Variants in CNTN6 observed in about 807,000 individuals in gnomAD.
CNTN6 encodes contactin 6.
Under a neutral mutation model 122.8 loss-of-function variants are expected in CNTN6, and 137 were observed. The observed-to-expected ratio is 1.12, with a 90% CI of 0.97 to 1.29. The LOEUF (loss-of-function observed/expected upper bound fraction) is 1.29, where lower values mean the gene tolerates loss of function less well. CNTN6 is among the 50% of genes most tolerant of loss of function. CNTN6 has a pLI of 0.00. For missense variants in CNTN6, 1,634 were observed against 1,223.4 expected (o/e 1.34, Z -5.01); for synonymous variants, 570 against 426.0 (o/e 1.34, Z -4.16).
At chr3:1,178,112 G>A (rs1379011320) in intron 2 of CNTN6, among the ~76,000 whole-genome samples, 1 of 151,934 alleles carries the variant, frequency 6.6e-6, no homozygotes, top group Non-Finnish European at 1.5e-5. Context: ...TGTTGGCCAG[G>A]CTGGTCTTGA....
At chr3:1,215,194 A>G (rs1331946079) in intron 2 of CNTN6, among the ~76,000 whole-genome samples, 2 of 152,246 alleles carry the variant, frequency 1.3e-5, no homozygotes, top group Non-Finnish European at 2.9e-5. Flanking sequence ...TTTCTGGAAC[A>G]TGTTCTTTCC....
At chr3:1,399,290 T>C (rs527626312) in intron 20 of CNTN6, among the ~76,000 whole-genome samples, 4 of 152,226 alleles carry the variant, frequency 2.6e-5, no homozygotes, top group African/African-American at 9.6e-5. Flanking sequence ...ATATCTTTTA[T>C]AGCTGAGAAA....
At chr3:1,173,050 A>T (rs2093387738) in intron 2 of CNTN6, among the ~76,000 whole-genome samples, 1 of 152,208 alleles carries the variant, frequency 6.6e-6, no homozygotes. Context: ...ATATCACACC[A>T]GAACTGACTC....
chr3:1,329,568 C>A (rs905469982), intron 10 of CNTN6, among the ~76,000 whole-genome samples: 5 of 151,790 alleles, frequency 3.3e-5, no homozygotes, highest in Non-Finnish European at 5.9e-5. Flanking sequence ...CACACTAACT[C>A]TCTAAGGTAA....
At chr3:1,403,128 TAAATC>T (rs1236319908) in intron 22 of CNTN6, among the ~76,000 whole-genome samples, 185 bp from the exon 23 acceptor site, 6 of 152,144 alleles carry the variant, frequency 3.9e-5, no homozygotes, top group African/African-American at 1.4e-4. Context: ...TTTTTATACT[TAAATC>T]AGATGTCCTT....
chr3:1,402,343 G>A lies in CNTN6; in HGVS notation c.2843G>A (p.Ser948Asn), dbSNP rs1285220499. The A allele has an allele frequency of 5.6e-6, 9 of 1,610,684 alleles. No individual in the cohort carries two copies. The highest frequency in any genetic ancestry group is 3.3e-5 in the Admixed American group (2 of 59,798). Residue 948 changes from serine (S) to asparagine (N), a missense_variant, in exon 22 of 23, where the codon AGT (serine) becomes AAT (asparagine). Transcript: ENST00000446702. Reference sequence around the variant, plus strand: ...ATTCTGTACCGGCAAAACAGACAGAGTAAAACTCATATTTTGGAAACAAAC... The same window carrying A: ...ATTCTGTACCGGCAAAACAGACAGAATAAAACTCATATTTTGGAAACAAAC... Reference protein sequence around the residue: ...YKILYRQNRQSKTHILETNNT... With the variant: ...YKILYRQNRQNKTHILETNNT...
In CNTN6 at chr3:1,329,670, T is replaced by C. The variant is rs915687996; in HGVS notation, c.1214-115T>C. 1.6e-4 allele frequency: 130 copies of C among 823,568 alleles called. 2 individuals carry two copies. Among genetic ancestry groups the C allele is most frequent in the Non-Finnish European group, 3.8e-5 (21 of 553,752 alleles). 51.0% of individuals were successfully genotyped at this position (823,568 alleles called of 1,614,324 possible). A position where few individuals can be genotyped will look rare whatever the true frequency, so the allele number is the denominator to read the frequency against. On this transcript the variant is annotated intron_variant, in intron 10 of 22. Transcript: ENST00000446702. ...CAAGAACACCTTGAGCAAAGTAACC[T>C]GAAAAGAGGATACAGCTATAAATAT...
chr3:1,203,400 C>T (rs865877067), intron 2 of CNTN6, among the ~76,000 whole-genome samples: 15 of 152,140 alleles, frequency 9.9e-5, no homozygotes, highest in African/African-American at 3.6e-4. Context: ...CTTAATCAGG[C>T]TAGTTTCACA....
intron 1 of CNTN6, among the ~76,000 whole-genome samples, chr3:1,137,020 C>G (rs1334163251): frequency 7.2e-5 from 11 of 152,156 alleles, no homozygotes; most frequent in African/African-American, 2.7e-4. Context: ...TACTATTATT[C>G]TCATTATCTT....
At chr3:1,250,274 T>C (rs17210418) in intron 4 of CNTN6, among the ~76,000 whole-genome samples, 6,957 of 152,194 alleles carry the variant, frequency 0.046, 201 homozygotes, top group East Asian at 0.081. Flanking sequence ...AACACAACAC[T>C]GGCATTTCAA....
intron 19 of CNTN6, among the ~76,000 whole-genome samples, chr3:1,385,160 C>G (rs569276177): frequency 6.6e-6 from 1 of 151,564 alleles, no homozygotes. Flanking sequence ...GTACCTAAAA[C>G]AATGCTAATG....
At chr3:1,310,379 A>T (rs752051754) in intron 7 of CNTN6, among the ~76,000 whole-genome samples, 2 of 152,118 alleles carry the variant, frequency 1.3e-5, no homozygotes, top group Non-Finnish European at 2.9e-5. Context: ...TGATATGATC[A>T]TGTGATTTTT....
chr3:1,355,244 TAAATA>T (rs773051325), intron 12 of CNTN6, among the ~76,000 whole-genome samples: 31 of 151,586 alleles, frequency 2.0e-4, no homozygotes, highest in South Asian at 1.2e-3. Flanking sequence ...CAAATACATA[TAAATA>T]AAATAAACAC....
chr3:1,097,323 T>C lies in CNTN6; in HGVS notation c.-83+4203T>C, dbSNP rs9809083. Among the ~76,000 whole-genome samples, 795 of 152,314 alleles carry C rather than the reference T, an allele frequency of 5.2e-3. 7 individuals are homozygous for C. The highest frequency in any genetic ancestry group is 0.018 in the African/African-American group (744 of 41,582). ...AATCAAAATCTGTAGACTCAAATCC[T>C]TTTTGAAAGTATACTGAGTAGAAAA... On this transcript the variant is annotated intron_variant, in intron 1 of 22. Coordinates refer to ENST00000446702, the MANE Select transcript of CNTN6 (RefSeq NM_001289080.2).
At chr3:1,165,579 C>A (rs2093229211) in intron 2 of CNTN6, among the ~76,000 whole-genome samples, 1 of 152,128 alleles carries the variant, frequency 6.6e-6, no homozygotes, top group African/African-American at 2.4e-5. Flanking sequence ...CCACTACACA[C>A]ACACACTCAC....
intron 8 of CNTN6, among the ~76,000 whole-genome samples, chr3:1,323,438 T>A (rs1701130763): frequency 6.6e-6 from 1 of 151,740 alleles, no homozygotes; most frequent in South Asian, 2.1e-4. Flanking sequence ...GAATAATGGA[T>A]ACTTAGTCAA....
At chr3:1,282,704 G>T (rs147266610) in intron 5 of CNTN6, among the ~76,000 whole-genome samples, 1 of 152,124 alleles carries the variant, frequency 6.6e-6, no homozygotes, top group Non-Finnish European at 1.5e-5. Context: ...CCTGTTAAAC[G>T]TCTCCTTCAT....
intron 2 of CNTN6, among the ~76,000 whole-genome samples, chr3:1,220,182 T>A (rs1224079923): frequency 1.3e-5 from 2 of 150,720 alleles, no homozygotes; most frequent in Non-Finnish European, 3.0e-5. Context: ...AGAAGGTGAC[T>A]CCATATAGCC....
chr3:1,187,237 T>G (rs571417758), intron 2 of CNTN6, among the ~76,000 whole-genome samples: 2 of 152,260 alleles, frequency 1.3e-5, no homozygotes, highest in East Asian at 3.9e-4. Context: ...CGTAATGAAG[T>G]ATGTTTTTTG....
Sources: allele counts gnomAD v4.1 joint callset (sites outside exome capture counted in the v4.1 genomes callset), GRCh38; gene constraint gnomAD v4.1.1; transcripts MANE v1.5; gene names NCBI Gene and HGNC (gene_info 2026-07-23, HGNC 2026-07-21).